Variants in MSH3 observed in about 807,000 individuals in gnomAD.
MSH3 encodes mutS homolog 3.
A neutral mutation model predicts 123.3 loss-of-function variants in MSH3; 106 were observed. The ratio of observed to expected loss-of-function variants is 0.86; its 90% CI spans 0.73 to 1.01. The LOEUF (loss-of-function observed/expected upper bound fraction) is 1.01, where lower values mean the gene tolerates loss of function less well. Ranked by LOEUF, MSH3 falls within the 50% of genes least tolerant of loss-of-function variation. The probability of loss-of-function intolerance (pLI) is 0.00; values close to 1 mark genes in which losing one functional copy is unlikely to be tolerated. For missense variants in MSH3, 1,459 were observed against 1,347.6 expected (o/e 1.08, Z -1.29); for synonymous variants, 515 against 481.4 (o/e 1.07, Z -0.91).
In MSH3 at chr5:80,769,053, A is replaced by G. The variant is rs745875813; in HGVS notation, c.2253+50A>G. The stretch of plus-strand genomic sequence containing the variant: ...TCTATTAGTTTTACTCTAGTAGAAA[A>G]GCTATTTTAAAATGTAAATAGAAAT... On this transcript the variant is annotated intron_variant, in intron 15 of 23. Coordinates refer to ENST00000265081, the MANE Select transcript of MSH3 (RefSeq NM_002439.5). 4.0e-6 allele frequency: 6 copies of G among 1,515,222 alleles called. No homozygotes were observed. The highest frequency in any genetic ancestry group is 1.9e-4 in the Middle Eastern group (1 of 5,144). The allele number at this position is 1,515,222 out of a possible 1,614,324, so 93.9% of individuals were successfully genotyped here.
At chr5:80,772,215 G>T (rs989178088) in intron 15 of MSH3, among the ~76,000 whole-genome samples, 1 of 151,948 alleles carries the variant, frequency 6.6e-6, no homozygotes, top group South Asian at 2.1e-4. Flanking sequence ...CTTTAGAAAG[G>T]GTTTTATTAA....
chr5:80,696,949 A>G (rs1206805467), intron 8 of MSH3, among the ~76,000 whole-genome samples: 1 of 152,194 alleles, frequency 6.6e-6, no homozygotes, highest in Non-Finnish European at 1.5e-5. Flanking sequence ...TGCTTTTAAT[A>G]TTTTTAGTGC....
intron 10 of MSH3, among the ~76,000 whole-genome samples, chr5:80,735,645 C>T (rs1420461656): frequency 6.6e-6 from 1 of 151,928 alleles, no homozygotes; most frequent in Non-Finnish European, 1.5e-5. Flanking sequence ...GAGCCGACAT[C>T]GTACCACTGC....
chr5:80,833,882 T>C (rs535306868), intron 20 of MSH3, among the ~76,000 whole-genome samples: 133 of 152,132 alleles, frequency 8.7e-4, no homozygotes, highest in African/African-American at 3.1e-3. Flanking sequence ...TATCAAAGAC[T>C]CTGGATCAGA....
At chr5:80,727,392 G>A (rs1177444352) in intron 9 of MSH3, among the ~76,000 whole-genome samples, 2 of 152,158 alleles carry the variant, frequency 1.3e-5, no homozygotes, top group Non-Finnish European at 2.9e-5. Context: ...GATTTGTAGA[G>A]AACATCTTGT....
intron 19 of MSH3, among the ~76,000 whole-genome samples, chr5:80,795,809 T>C (rs1309781233): frequency 6.6e-6 from 1 of 151,788 alleles, no homozygotes; most frequent in Non-Finnish European, 1.5e-5. Context: ...AGTCAGGAGG[T>C]CGAGACCAAC....
intron 13 of MSH3, 140 bp downstream of exon 13, chr5:80,761,818 C>T (rs1561469221): frequency 2.1e-6 from 2 of 963,044 alleles, no homozygotes; most frequent in Non-Finnish European, 3.1e-6. Flanking sequence ...TAGCTGAATC[C>T]TCAGAAATTT....
At chr5:80,686,685 A>T (rs1303576817) in intron 8 of MSH3, among the ~76,000 whole-genome samples, 1 of 152,046 alleles carries the variant, frequency 6.6e-6, no homozygotes, top group Non-Finnish European at 1.5e-5. Context: ...ATTTGCAAGT[A>T]CAAAATTTGT....
chr5:80,841,785 T>C (rs1055455197), intron 20 of MSH3, among the ~76,000 whole-genome samples: 1 of 152,128 alleles, frequency 6.6e-6, no homozygotes, highest in Admixed American at 6.5e-5. Context: ...GTTTAAGTTC[T>C]TTGTAGATTC....
intron 16 of MSH3, 85 bp from the exon 17 acceptor site, chr5:80,778,635 A>G (rs1231239493): frequency 2.5e-6 from 2 of 805,682 alleles, no homozygotes; most frequent in Non-Finnish European, 4.5e-6. Flanking sequence ...TCAGAGAATA[A>G]TAAATAACTA....
chr5:80,868,030 C>T (rs1020136500), intron 22 of MSH3, among the ~76,000 whole-genome samples: 2 of 152,094 alleles, frequency 1.3e-5, no homozygotes, highest in African/African-American at 2.4e-5. Context: ...AGCAAAACAT[C>T]ACTGACCATT....
At chr5:80,666,452 C>CT (rs1482322547) in intron 3 of MSH3, among the ~76,000 whole-genome samples, 1 of 152,080 alleles carries the variant, frequency 6.6e-6, no homozygotes, top group Non-Finnish European at 1.5e-5. Context: ...TATTGATTGA[C>CT]TTATCTTAGA....
chr5:80,778,446 G>GA lies in MSH3; in HGVS notation c.2319-268dup, dbSNP rs6151822. Among the ~76,000 whole-genome samples, 952 of 152,036 alleles carry GA rather than the reference G, an allele frequency of 6.3e-3. 9 individuals carry two copies. The highest frequency in any genetic ancestry group is 0.022 in the African/African-American group (917 of 41,480). ...GCATTTTCACTTAGTATAATTTAAA[G>GA]AAAAAAGCTTTCTGCCTATGAAATA... is the stretch of plus-strand genomic sequence containing the variant. On this transcript the variant is annotated intron_variant, in intron 16 of 23. Coordinates refer to ENST00000265081, the MANE Select transcript of MSH3 (RefSeq NM_002439.5).
At chr5:80,818,160 A>T (rs1355424715) in intron 20 of MSH3, among the ~76,000 whole-genome samples, 1 of 152,138 alleles carries the variant, frequency 6.6e-6, no homozygotes, top group Non-Finnish European at 1.5e-5. Context: ...TGGAGGTTGT[A>T]GTGAGACAAG....
intron 3 of MSH3, among the ~76,000 whole-genome samples, chr5:80,667,257 T>C (rs565235844): frequency 2.8e-4 from 42 of 152,344 alleles, no homozygotes; most frequent in African/African-American, 9.6e-4. Context: ...TCTGTGTTGA[T>C]TAACTTTTAT....
intron 10 of MSH3, among the ~76,000 whole-genome samples, chr5:80,740,552 TTCA>T (rs1330212729): frequency 6.6e-6 from 1 of 152,010 alleles, no homozygotes; most frequent in Non-Finnish European, 1.5e-5. Context: ...GAGACGGGGT[TTCA>T]TCATGTTGGT....
intron 20 of MSH3, among the ~76,000 whole-genome samples, chr5:80,823,243 C>G (rs1016973468): frequency 5.9e-5 from 9 of 152,038 alleles, no homozygotes; most frequent in African/African-American, 2.2e-4. Context: ...TTTTAAATTT[C>G]TAAAATAAAT....
At position 80,749,475 on chromosome 5, in the gene MSH3, A is replaced by G. The variant is rs145848667; in HGVS notation, c.1763+4860A>G. ...CAGCTGATTAGATGGTGCCCACCAG[A>G]TTGAGTGTGAGTCTGCCTCTCCTAG... On this transcript the variant is annotated intron_variant, in intron 12 of 23. Transcript: ENST00000265081. 1.7e-3 allele frequency among the ~76,000 whole-genome samples: 262 copies of G among 152,298 alleles called. 2 individuals are homozygous for G. Among genetic ancestry groups the G allele is most frequent in the African/African-American group, 6.0e-3 (249 of 41,572 alleles).
intron 4 of MSH3, among the ~76,000 whole-genome samples, 171 bp downstream of exon 4, chr5:80,670,480 G>A (rs1749679947): frequency 6.6e-6 from 1 of 152,104 alleles, no homozygotes; most frequent in South Asian, 2.1e-4. Flanking sequence ...GAAACTTGGT[G>A]GGAACCAGAC....
Sources: gnomAD v4.1 joint callset for allele counts (sites outside exome capture counted in the v4.1 genomes callset) on GRCh38, gnomAD v4.1.1 for gene constraint, MANE v1.5 for transcripts, NCBI Gene and HGNC (gene_info 2026-07-23, HGNC 2026-07-21) for gene names.